Variants in FBXO34 observed in about 807,000 individuals in gnomAD.
FBXO34 encodes the protein F-box protein 34.
FBXO34 carries 12 observed loss-of-function variants against 24.5 expected under a neutral mutation model. The ratio of observed to expected loss-of-function variants is 0.49; its 90% CI spans 0.31 to 0.79. FBXO34 has a LOEUF of 0.79. FBXO34 is among the 30% of genes least tolerant of loss of function. FBXO34 has a pLI of 0.04. For synonymous variants in FBXO34, 320 were observed against 311.9 expected (o/e 1.03, Z -0.27); for missense variants, 823 against 857.7 (o/e 0.96, Z 0.51).
chr14:55,325,627 C>CA (rs1883314662), intron 1 of FBXO34, among the ~76,000 whole-genome samples: 1 of 152,142 alleles, frequency 6.6e-6, no homozygotes, highest in Non-Finnish European at 1.5e-5. Context: ...AGGCATGTGC[C>CA]ACCACGCCCG....
the FBXO34 span, among the ~76,000 whole-genome samples, chr14:55,382,489 T>TA: frequency 2.0e-5 from 3 of 152,040 alleles, no homozygotes; most frequent in African/African-American, 4.8e-5. Context: ...CTGGTTAACT[T>TA]AAAAAATTTT....
chr14:55,437,165 T>C, the FBXO34 span: 3 of 695,438 alleles, frequency 4.3e-6, no homozygotes, highest in Non-Finnish European at 7.2e-6. Flanking sequence ...ACTGCTTTTT[T>C]CTAGAAAATG....
chr14:55,436,029 A>AGC, the FBXO34 span: 1 of 712,920 alleles, frequency 1.4e-6, no homozygotes, highest in African/African-American at 1.9e-5. Flanking sequence ...GTTATACCTT[A>AGC]GCAATTTCCT....
chr14:55,329,954 T>C (rs538776481), intron 1 of FBXO34, among the ~76,000 whole-genome samples: 5 of 152,128 alleles, frequency 3.3e-5, no homozygotes, highest in Non-Finnish European at 5.9e-5. Context: ...CTACTACTGG[T>C]GTTCCTCTTC....
chr14:55,338,799 G>A (rs912934306), intron 1 of FBXO34, among the ~76,000 whole-genome samples: 3 of 151,928 alleles, frequency 2.0e-5, no homozygotes, highest in Non-Finnish European at 4.4e-5. Flanking sequence ...CCAGCTACTC[G>A]GGAGGCTGAG....
At chr14:55,430,256 A>G in the FBXO34 span, among the ~76,000 whole-genome samples, 1 of 152,102 alleles carries the variant, frequency 6.6e-6, no homozygotes, top group East Asian at 1.9e-4. Flanking sequence ...CTGAAAGAAA[A>G]GCCAGTTTGA....
the FBXO34 span, among the ~76,000 whole-genome samples, chr14:55,410,393 A>G: frequency 6.6e-6 from 1 of 152,212 alleles, no homozygotes; most frequent in Non-Finnish European, 1.5e-5. Context: ...TCCATCAGTT[A>G]GACATTTCCA....
At chr14:55,302,353 G>A (rs76761568) in intron 1 of FBXO34, among the ~76,000 whole-genome samples, 8,837 of 152,102 alleles carry the variant, frequency 0.058, 327 homozygotes, top group South Asian at 0.089. Context: ...AGTTTACCTC[G>A]CCTGGTTGTG....
downstream of FBXO34, chr14:55,369,033 C>G (rs963222708): frequency 6.9e-6 from 1 of 144,148 alleles, no homozygotes; most frequent in Non-Finnish European, 1.6e-5. Flanking sequence ...GTCTGACAAA[C>G]TACGACAGAG....
intron 1 of FBXO34, among the ~76,000 whole-genome samples, chr14:55,337,662 C>A (rs1883828541): frequency 6.6e-6 from 1 of 152,242 alleles, no homozygotes; most frequent in African/African-American, 2.4e-5. Context: ...CAGTTTTGTT[C>A]ATGCTGAAGC....
intron 1 of FBXO34, among the ~76,000 whole-genome samples, chr14:55,308,017 G>A (rs1836872248): frequency 6.6e-6 from 1 of 152,138 alleles, no homozygotes; most frequent in Non-Finnish European, 1.5e-5. Flanking sequence ...TCTCCTCGTG[G>A]TAATAAGTCT....
chr14:55,298,664 TAAGGCCGGC>T, intron 1 of FBXO34: 1 of 1,531,834 alleles, frequency 6.5e-7, no homozygotes, highest in South Asian at 1.2e-5. Flanking sequence ...CTGGAGGGGG[TAAGGCCGGC>T]AAGGGCGGCC....
chr14:55,339,670 G>A (rs1165727792), intron 1 of FBXO34, among the ~76,000 whole-genome samples: 1 of 152,186 alleles, frequency 6.6e-6, no homozygotes, highest in Admixed American at 6.5e-5. Flanking sequence ...ATTTCTCACA[G>A]TACCTCTTGG....
chr14:55,363,661 G>A (rs562342314), downstream of FBXO34, among the ~76,000 whole-genome samples: 271 of 152,180 alleles, frequency 1.8e-3, 2 homozygotes, highest in Non-Finnish European at 2.9e-3. Context: ...TTGTTCAACC[G>A]GTGGCCCATG....
At chr14:55,434,769 C>T in the FBXO34 span, among the ~76,000 whole-genome samples, 5 of 152,164 alleles carry the variant, frequency 3.3e-5, no homozygotes, top group African/African-American at 1.2e-4. Context: ...ATTCAGATGT[C>T]AGCAACAATA....
At chr14:55,327,760 T>C (rs1382200961) in intron 1 of FBXO34, among the ~76,000 whole-genome samples, 1 of 152,020 alleles carries the variant, frequency 6.6e-6, no homozygotes, top group African/African-American at 2.4e-5. Flanking sequence ...TTCCATGGCC[T>C]CCGGTGGATT....
chr14:55,297,704 T>C (rs1051355369), intron 1 of FBXO34, among the ~76,000 whole-genome samples: 4 of 152,226 alleles, frequency 2.6e-5, no homozygotes, highest in Admixed American at 2.6e-4. Flanking sequence ...TCTATGTGTA[T>C]GTGCAAATAT....
chr14:55,299,976 A>G (rs1422201288), intron 1 of FBXO34, among the ~76,000 whole-genome samples: 1 of 152,192 alleles, frequency 6.6e-6, no homozygotes, highest in African/African-American at 2.4e-5. Flanking sequence ...TTCTCAGGCA[A>G]ATTCCAGAGT....
chr14:55,436,938 C>T, the FBXO34 span: 55 of 1,614,092 alleles, frequency 3.4e-5, no homozygotes, highest in South Asian at 3.5e-4. Context: ...ATGCAGTATC[C>T]GGATTGGATG....
Sources: gnomAD v4.1 joint callset for allele counts (sites outside exome capture counted in the v4.1 genomes callset) on GRCh38, gnomAD v4.1.1 for gene constraint, MANE v1.5 for transcripts, NCBI Gene and HGNC (gene_info 2026-07-23, HGNC 2026-07-21) for gene names.